The following SLC39A11 variants were observed in gnomAD, a reference collection of about 807,000 sequenced individuals.
The protein encoded by SLC39A11 is solute carrier family 39 member 11, also known as zinc transporter ZIP11.
A neutral mutation model predicts 36.1 loss-of-function variants in SLC39A11; 33 were observed. The ratio of observed to expected loss-of-function variants is 0.91; its 90% CI spans 0.69 to 1.22. SLC39A11 has a LOEUF of 1.22. Ranked by LOEUF, SLC39A11 falls within the 50% of genes most tolerant of loss-of-function variation. The pLI is 0.00. For synonymous variants in SLC39A11, 166 were observed against 170.3 expected (o/e 0.97, Z 0.20); for missense variants, 432 against 430.3 (o/e 1.00, Z -0.03).
Position 73,060,777 on chromosome 17 carries a change from T to C in SLC39A11, c.147+24031A>G, listed in dbSNP as rs549234481. Reference sequence around the variant, plus strand: ...GTGTTCTAGAAAATTGTTTACAATTTTTAGAAATTTGATACGTGATCAGCC... The same window carrying C: ...GTGTTCTAGAAAATTGTTTACAATTCTTAGAAATTTGATACGTGATCAGCC... On this transcript the variant is annotated intron_variant, in intron 3 of 9. Coordinates refer to ENST00000255559, the MANE Select transcript of SLC39A11 (RefSeq NM_139177.4). 8.6e-4 allele frequency among the ~76,000 whole-genome samples: 131 copies of C among 152,188 alleles called. 1 individual carries two copies. The highest frequency in any genetic ancestry group is 1.6e-3 in the Non-Finnish European group (106 of 68,038).
At chr17:72,910,506 C>T (rs2082922545) in intron 5 of SLC39A11, among the ~76,000 whole-genome samples, 1 of 151,620 alleles carries the variant, frequency 6.6e-6, no homozygotes, top group African/African-American at 2.4e-5. Flanking sequence ...CGCCTATAAT[C>T]CCAGCTACTC....
chr17:72,867,021 C>A (rs936086967), intron 5 of SLC39A11, among the ~76,000 whole-genome samples: 3 of 152,082 alleles, frequency 2.0e-5, no homozygotes, highest in African/African-American at 7.2e-5. Flanking sequence ...TTGTAAAATA[C>A]AAACGAACAA....
intron 6 of SLC39A11, among the ~76,000 whole-genome samples, chr17:72,835,143 A>G (rs2078470609): frequency 6.6e-6 from 1 of 152,258 alleles, no homozygotes; most frequent in African/African-American, 2.4e-5. Context: ...GTTGAGCAAA[A>G]TGTCATCCCA....
intron 3 of SLC39A11, among the ~76,000 whole-genome samples, chr17:73,070,513 T>G (rs1181133924): frequency 6.6e-6 from 1 of 151,974 alleles, no homozygotes; most frequent in Non-Finnish European, 1.5e-5. Context: ...TTGAAGGGAG[T>G]CTGCTTTTTC....
At chr17:72,743,380 GC>G (rs2074796407) in intron 6 of SLC39A11, among the ~76,000 whole-genome samples, 1 of 152,148 alleles carries the variant, frequency 6.6e-6, no homozygotes, top group Non-Finnish European at 1.5e-5. Flanking sequence ...TTTCCCTCCG[GC>G]CCATCCTGTA....
chr17:72,710,713 G>A (rs2073076690), intron 7 of SLC39A11, among the ~76,000 whole-genome samples: 3 of 152,162 alleles, frequency 2.0e-5, no homozygotes, highest in South Asian at 4.1e-4. Flanking sequence ...CTTATAAATT[G>A]TTGATTTTAT....
At chr17:72,990,971 T>G (rs2089134786) in intron 4 of SLC39A11, among the ~76,000 whole-genome samples, 1 of 152,208 alleles carries the variant, frequency 6.6e-6, no homozygotes, top group East Asian at 1.9e-4. Context: ...TTGAGGTCAT[T>G]TAGTCAATAG....
At chr17:72,961,288 G>A (rs556320388) in intron 4 of SLC39A11, among the ~76,000 whole-genome samples, 2 of 152,204 alleles carry the variant, frequency 1.3e-5, no homozygotes, top group African/African-American at 2.4e-5. Context: ...TTACACTGTT[G>A]GTGGGATTGT....
chr17:72,650,695 A>G (rs1410374431), intron 7 of SLC39A11, among the ~76,000 whole-genome samples: 1 of 152,166 alleles, frequency 6.6e-6, no homozygotes, highest in African/African-American at 2.4e-5. Flanking sequence ...TTGTGGGTAG[A>G]TTAGATAGAG....
chr17:72,884,835 C>T (rs1458217896), intron 5 of SLC39A11, among the ~76,000 whole-genome samples: 1 of 152,170 alleles, frequency 6.6e-6, no homozygotes, highest in Non-Finnish European at 1.5e-5. Context: ...AAAATCACAA[C>T]AGAATTCTAA....
chr17:73,044,998 T>C (rs2059232320), intron 3 of SLC39A11, among the ~76,000 whole-genome samples: 1 of 151,872 alleles, frequency 6.6e-6, no homozygotes, highest in South Asian at 2.1e-4. Context: ...ATTGTATATG[T>C]ATTAGATCTG....
intron 5 of SLC39A11, among the ~76,000 whole-genome samples, chr17:72,870,621 C>T (rs558044142): frequency 6.6e-6 from 1 of 152,340 alleles, no homozygotes; most frequent in Admixed American, 6.5e-5. Context: ...TGCAGAGACC[C>T]CTCTCCCCAT....
At chr17:72,857,749 T>G (rs1378168378) in intron 5 of SLC39A11, among the ~76,000 whole-genome samples, 1 of 152,238 alleles carries the variant, frequency 6.6e-6, no homozygotes, top group Non-Finnish European at 1.5e-5. Flanking sequence ...GTGTTGAGAT[T>G]TTTTTCATAT....
At chr17:72,894,038 C>T (rs1598307639) in intron 5 of SLC39A11, among the ~76,000 whole-genome samples, 1 of 151,954 alleles carries the variant, frequency 6.6e-6, no homozygotes, top group African/African-American at 2.4e-5. Flanking sequence ...AAGTTCAATG[C>T]AAAATAACCA....
intron 4 of SLC39A11, among the ~76,000 whole-genome samples, chr17:73,028,742 A>C (rs1304111876): frequency 6.6e-6 from 1 of 151,626 alleles, no homozygotes. Context: ...GATTCTATCC[A>C]GGGCTTCCCT....
intron 6 of SLC39A11, among the ~76,000 whole-genome samples, chr17:72,787,002 T>G (rs867953092): frequency 1.3e-5 from 2 of 151,856 alleles, no homozygotes; most frequent in African/African-American, 4.8e-5. Flanking sequence ...GTATTTTTAG[T>G]AGAGACGGGG....
intron 5 of SLC39A11, among the ~76,000 whole-genome samples, chr17:72,934,542 T>A (rs1186831026): frequency 6.6e-6 from 1 of 152,122 alleles, no homozygotes; most frequent in Admixed American, 6.5e-5. Flanking sequence ...GGCGTGTGCC[T>A]GTAGTCCCAG....
At chr17:72,781,426 CT>C (rs1297549110) in intron 6 of SLC39A11, among the ~76,000 whole-genome samples, 7 of 134,186 alleles carry the variant, frequency 5.2e-5, no homozygotes, top group Non-Finnish European at 9.8e-5. Flanking sequence ...TTTTTTTTTT[CT>C]TTTTTCTTTT....
At chr17:72,705,362 A>G (rs2143158812) in intron 7 of SLC39A11, among the ~76,000 whole-genome samples, 1 of 152,326 alleles carries the variant, frequency 6.6e-6, no homozygotes, top group South Asian at 2.1e-4. Context: ...TTGAATTTAT[A>G]TGTTCCATAT....
Sources: allele counts gnomAD v4.1 joint callset (sites outside exome capture counted in the v4.1 genomes callset), GRCh38; gene constraint gnomAD v4.1.1; transcripts MANE v1.5; gene names NCBI Gene and HGNC (gene_info 2026-07-23, HGNC 2026-07-21).